GLIS3: variants seen among roughly 807,000 people sequenced by gnomAD.
GLIS3 encodes the protein GLIS family zinc finger 3, also known as zinc finger protein GLIS3.
GLIS3 carries 53 observed loss-of-function variants against 78.6 expected under a neutral mutation model. That is an observed-to-expected ratio of 0.67 (90% CI 0.54 to 0.85). The LOEUF (loss-of-function observed/expected upper bound fraction) is 0.85, where lower values mean the gene tolerates loss of function less well. Among genes scored for constraint, GLIS3 ranks in the 40% least tolerant of loss-of-function variants. The pLI is 0.00. For synonymous variants in GLIS3, 684 were observed against 509.9 expected, an observed-to-expected ratio of 1.34 and a Z score of -4.60; for missense variants, 1,703 against 1,231.1, an observed-to-expected ratio of 1.38 and a Z score of -5.74.
chr9:4,152,772 A>T (rs973667531), intron 2 of GLIS3, among the ~76,000 whole-genome samples: 1 of 152,260 alleles, frequency 6.6e-6, no homozygotes, highest in African/African-American at 2.4e-5. Context: ...ACCATCAATT[A>T]TAAGTTTTAA....
chr9:3,837,626 G>A (rs1361265589), intron 9 of GLIS3, among the ~76,000 whole-genome samples: 1 of 152,176 alleles, frequency 6.6e-6, no homozygotes, highest in Non-Finnish European at 1.5e-5. Flanking sequence ...AAAAGACACG[G>A]AGGGAATTTC....
chr9:4,296,890 T>C (rs1227594313), intron 1 of GLIS3, among the ~76,000 whole-genome samples: 1 of 127,740 alleles, frequency 7.8e-6, no homozygotes, highest in Non-Finnish European at 1.6e-5. Context: ...ACACCTCAGC[T>C]TGTTCTCAAT....
chr9:4,382,530 G>C, the GLIS3 span, among the ~76,000 whole-genome samples: 29 of 152,152 alleles, frequency 1.9e-4, no homozygotes, highest in African/African-American at 5.5e-4. Context: ...AATTCCTATG[G>C]TTCTTTTGTT....
rs868342042 is a variant in GLIS3 at position 4,275,417 on chromosome 9, G to C, written c.388+10621C>G. ...ATTTCTCTGAACTCCTATAGCAAAA[G>C]ATCTAAGACCGTGGGGTCCTATTCA... On this transcript the variant is annotated intron_variant, in intron 2 of 10. Coordinates refer to ENST00000381971, the MANE Select transcript of GLIS3 (RefSeq NM_001042413.2). Among the ~76,000 whole-genome samples the C allele has an allele frequency of 9.2e-5, 14 of 152,260 alleles. No individual in the cohort carries two copies. The Middle Eastern group carries it at 0.017, about 185-fold the overall frequency.
the GLIS3 span, among the ~76,000 whole-genome samples, chr9:4,462,374 C>G: frequency 1.3e-5 from 2 of 152,062 alleles, no homozygotes; most frequent in African/African-American, 2.4e-5. Flanking sequence ...AGGTAAGAGA[C>G]CAGTGGGGGT....
chr9:4,202,457 T>C (rs1430174151), intron 2 of GLIS3, among the ~76,000 whole-genome samples: 1 of 150,024 alleles, frequency 6.7e-6, no homozygotes, highest in Non-Finnish European at 1.5e-5. Flanking sequence ...AAAATAAAAA[T>C]AAAAATAAAT....
intron 2 of GLIS3, among the ~76,000 whole-genome samples, chr9:4,186,725 T>G (rs1347487573): frequency 2.6e-5 from 4 of 152,140 alleles, no homozygotes; most frequent in African/African-American, 9.7e-5. Context: ...ATTGTGGTTT[T>G]GATTTGCATT....
At position 3,865,007 on chromosome 9, in the gene GLIS3, A is replaced by T. The variant is rs1005787360; in HGVS notation, c.2298-8823T>A. ...GCCCAGGTAGATGATACATTTGCCC[A>T]CTTGGTGCAAATGTCCAGCTGGATA... is the stretch of plus-strand genomic sequence containing the variant. On this transcript the variant is annotated intron_variant, in intron 8 of 10. Transcript: ENST00000381971. Among the ~76,000 whole-genome samples the T allele has an allele frequency of 2.0e-5, 3 of 152,136 alleles. No homozygotes were observed. The South Asian group carries it at 6.2e-4, about 32-fold the overall frequency.
chr9:4,308,260 G>A (rs1305461910), intron 4 of GLIS3, among the ~76,000 whole-genome samples: 2 of 152,088 alleles, frequency 1.3e-5, no homozygotes, highest in African/African-American at 2.4e-5. Flanking sequence ...GGAAGGAACA[G>A]GAAGGGCAGG....
At chr9:4,192,097 G>C (rs7024568) in intron 2 of GLIS3, among the ~76,000 whole-genome samples, 22,013 of 151,998 alleles carry the variant, frequency 0.14, 2,143 homozygotes, top group African/African-American at 0.27. Flanking sequence ...CAAAGAAAAC[G>C]ATAATTTCTG....
chr9:4,206,471 G>C (rs1819890531), intron 2 of GLIS3, among the ~76,000 whole-genome samples: 1 of 152,162 alleles, frequency 6.6e-6, no homozygotes, highest in African/African-American at 2.4e-5. Context: ...ACGCCTATTA[G>C]CAGAAAATAG....
chr9:4,269,829 C>T lies in GLIS3; in HGVS notation c.388+16209G>A, dbSNP rs1007298472. Among the ~76,000 whole-genome samples, 8 of 152,036 alleles carry T rather than the reference C, an allele frequency of 5.3e-5. 1 individual carries two copies. In the South Asian group the frequency reaches 6.2e-4, roughly 12 times the overall value. On this transcript the variant is annotated intron_variant, in intron 2 of 10. Coordinates refer to ENST00000381971, the MANE Select transcript of GLIS3 (RefSeq NM_001042413.2). ...GCACAGGTTTAGACGGAGGGCAGGA[C>T]GGGAGAAACAAACAAATATCTGGTG...
chr9:4,138,438 A>T (rs567959322), intron 2 of GLIS3, among the ~76,000 whole-genome samples: 1 of 152,324 alleles, frequency 6.6e-6, no homozygotes, highest in African/African-American at 2.4e-5. Flanking sequence ...GCTGAGTACA[A>T]AAAGAGCTCA....
rs368826573 is a variant in GLIS3 at position 4,256,433 on chromosome 9, A to G, written c.388+29605T>C. Among the ~76,000 whole-genome samples the G allele has an allele frequency of 2.6e-5, 4 of 152,334 alleles. No individual in the cohort carries two copies. In the East Asian group the frequency reaches 7.7e-4, roughly 29 times the overall value. On this transcript the variant is annotated intron_variant, in intron 2 of 10. Transcript: ENST00000381971. ...AAATCCAATTTAAAATAATAAAGACATCTAATTTTTCACCTCTTAAATTGT... is the reference window on the plus strand; with the variant it reads ...AAATCCAATTTAAAATAATAAAGACGTCTAATTTTTCACCTCTTAAATTGT...
At chr9:4,395,667 A>C in the GLIS3 span, among the ~76,000 whole-genome samples, 1 of 152,246 alleles carries the variant, frequency 6.6e-6, no homozygotes, top group Non-Finnish European at 1.5e-5. Context: ...TTTGTGGGGC[A>C]AAACTAACTG....
chr9:4,221,152 A>G (rs770439087), intron 2 of GLIS3, among the ~76,000 whole-genome samples: 2 of 152,212 alleles, frequency 1.3e-5, no homozygotes, highest in Non-Finnish European at 2.9e-5. Context: ...TGAATGATTC[A>G]GCAAAGAAAC....
intron 2 of GLIS3, among the ~76,000 whole-genome samples, chr9:4,148,104 G>C (rs867597679): frequency 5.9e-5 from 9 of 152,056 alleles, no homozygotes; most frequent in African/African-American, 1.9e-4. Context: ...TAAGTTACTG[G>C]TTAACTACAC....
the GLIS3 span, among the ~76,000 whole-genome samples, chr9:4,427,117 C>A: frequency 6.6e-6 from 1 of 152,162 alleles, no homozygotes; most frequent in African/African-American, 2.4e-5. Flanking sequence ...GAACTTCAGA[C>A]AGTAGTGTTG....
At chr9:4,052,380 CATG>C (rs1246688811) in intron 4 of GLIS3, among the ~76,000 whole-genome samples, 1 of 152,114 alleles carries the variant, frequency 6.6e-6, no homozygotes, top group East Asian at 1.9e-4. Context: ...GTACATACTT[CATG>C]ATATTAAATG....
Sources: gnomAD v4.1 joint callset for allele counts (sites outside exome capture counted in the v4.1 genomes callset) on GRCh38, gnomAD v4.1.1 for gene constraint, MANE v1.5 for transcripts, NCBI Gene and HGNC (gene_info 2026-07-23, HGNC 2026-07-21) for gene names.